The following PARP8 variants were observed in gnomAD, a reference collection of about 807,000 sequenced individuals.
PARP8 encodes the protein poly(ADP-ribose) polymerase family member 8, also known as protein mono-ADP-ribosyltransferase PARP8.
Under a neutral mutation model 124.1 loss-of-function variants are expected in PARP8, and 51 were observed. The observed-to-expected ratio is 0.41, with a 90% confidence interval of 0.33 to 0.52. The LOEUF (loss-of-function observed/expected upper bound fraction) is 0.52. PARP8 is among the 20% of genes least tolerant of loss of function. The pLI, the probability that PARP8 is intolerant of heterozygous loss-of-function variation, is 0.21. For missense variants in PARP8, 860 were observed against 1,018.9 expected, an observed-to-expected ratio of 0.84 and a Z score of 2.12; for synonymous variants, 391 against 361.5, an observed-to-expected ratio of 1.08 and a Z score of -0.93.
intron 2 of PARP8, chr5:50,738,996 C>T (rs1757753344): frequency 1.4e-6 from 1 of 702,564 alleles, no homozygotes; most frequent in African/African-American, 1.7e-5. Flanking sequence ...CCTAGACTGG[C>T]TTCCCAGTGG....
chr5:50,678,261 C>T (rs556906934), intron 2 of PARP8, among the ~76,000 whole-genome samples: 2 of 152,104 alleles, frequency 1.3e-5, no homozygotes, highest in East Asian at 3.8e-4. Context: ...GCAGTACTTA[C>T]ATAAAACATA....
At chr5:50,819,955 A>G (rs1453671527) in intron 15 of PARP8, among the ~76,000 whole-genome samples, 5 of 152,180 alleles carry the variant, frequency 3.3e-5, no homozygotes, top group Non-Finnish European at 7.3e-5. Context: ...ATATATCTAT[A>G]TATATGTATG....
intron 22 of PARP8, among the ~76,000 whole-genome samples, chr5:50,830,981 AC>A (rs1746907251): frequency 6.6e-6 from 1 of 152,112 alleles, no homozygotes; most frequent in South Asian, 2.1e-4. Flanking sequence ...AAAGAGAACT[AC>A]CTAATTTATT....
Position 50,843,046 on chromosome 5 carries a change from A to C in PARP8, c.*978A>C, listed in dbSNP as rs1211351526. On this transcript the variant is annotated 3_prime_UTR_variant, in exon 26 of 26. Coordinates refer to ENST00000281631, the MANE Select transcript of PARP8 (RefSeq NM_024615.4). The stretch of plus-strand genomic sequence containing the variant: ...ATTTATGCCACACCAGCATTTTTAT[A>C]TTTGTTCATCTAATATCTCTGCTTA... The C allele has an allele frequency of 6.6e-6, 1 of 151,634 alleles. No homozygotes were observed. Among genetic ancestry groups the C allele is most frequent in the African/African-American group, 2.4e-5 (1 of 41,360 alleles). 9.4% of individuals were successfully genotyped at this position (151,634 alleles called of 1,614,324 possible).
intron 2 of PARP8, among the ~76,000 whole-genome samples, chr5:50,686,141 A>G (rs781606510): frequency 7.0e-4 from 107 of 152,318 alleles, no homozygotes; most frequent in Non-Finnish European, 1.1e-3. Context: ...GAGCCTGTAA[A>G]ATCAAAAGCA....
intron 5 of PARP8, among the ~76,000 whole-genome samples, chr5:50,760,919 G>T (rs1047530744): frequency 2.0e-5 from 3 of 152,054 alleles, no homozygotes; most frequent in African/African-American, 7.2e-5. Context: ...TTATGCATTT[G>T]ATCCAATCCT....
chr5:50,815,345 CTATT>C (rs1368647213), intron 14 of PARP8, 83 bp from the exon 15 acceptor site: 2 of 911,908 alleles, frequency 2.2e-6, no homozygotes, highest in Non-Finnish European at 3.2e-6. Flanking sequence ...CTTGCATTTT[CTATT>C]TATTATGTGA....
chr5:50,693,012 A>G (rs1333805712), intron 2 of PARP8, among the ~76,000 whole-genome samples: 2 of 152,196 alleles, frequency 1.3e-5, no homozygotes, highest in Non-Finnish European at 1.5e-5. Context: ...AAGGGTGTTG[A>G]GGACCTCCCT....
chr5:50,793,757 A>C (rs1291032469), intron 10 of PARP8, among the ~76,000 whole-genome samples: 1 of 152,150 alleles, frequency 6.6e-6, no homozygotes. Context: ...TAAAAAGAAA[A>C]TGGCTTTACT....
At chr5:50,834,237 T>A (rs1747315591) in intron 24 of PARP8, among the ~76,000 whole-genome samples, 189 bp downstream of exon 24, 1 of 152,206 alleles carries the variant, frequency 6.6e-6, no homozygotes, top group Admixed American at 6.5e-5. Context: ...ATTGCAGAAT[T>A]GGCAAGAATT....
In PARP8 at chr5:50,666,854, G is replaced by T. The variant is rs1443405013; in HGVS notation, c.-242G>T. On this transcript the variant is annotated 5_prime_UTR_variant, in exon 1 of 26. Transcript: ENST00000281631. ...GGGGAGGAAATTGGAATCCAGCAGC[G>T]GCGAGCAGCAGCTGGGCGGTCACAT... 4.4e-5 allele frequency: 60 copies of T among 1,364,640 alleles called. No homozygotes were observed. The highest frequency in any genetic ancestry group is 5.5e-5 in the Non-Finnish European group (58 of 1,057,246). 84.5% of individuals were successfully genotyped at this position (1,364,640 alleles called of 1,614,324 possible). A position where few individuals can be genotyped will look rare whatever the true frequency, so the allele number is the denominator to read the frequency against.
chr5:50,767,992 C>T (rs1172599798), intron 7 of PARP8, among the ~76,000 whole-genome samples: 1 of 151,410 alleles, frequency 6.6e-6, no homozygotes, highest in African/African-American at 2.4e-5. Flanking sequence ...CATGCATGCA[C>T]GTATGTGTAT....
At chr5:50,772,154 A>G (rs578096878) in intron 7 of PARP8, among the ~76,000 whole-genome samples, 1 of 152,274 alleles carries the variant, frequency 6.6e-6, no homozygotes, top group Admixed American at 6.5e-5. Flanking sequence ...CTCCAGGTTT[A>G]TCCATGTTGC....
At chr5:50,790,903 G>C (rs915522941) in intron 10 of PARP8, among the ~76,000 whole-genome samples, 1 of 152,072 alleles carries the variant, frequency 6.6e-6, no homozygotes, top group Non-Finnish European at 1.5e-5. Context: ...ATTTTGGTCT[G>C]ATATGTTTGT....
At chr5:50,741,891 C>A (rs1180570797) in intron 2 of PARP8, 1 of 438,992 alleles carries the variant, frequency 2.3e-6, no homozygotes, top group Admixed American at 2.6e-5. Flanking sequence ...CTCACTGCAA[C>A]CTCCGCCTCC....
At chr5:50,827,899 T>C in intron 19 of PARP8, 45 bp from the exon 20 acceptor site, 1 of 1,342,044 alleles carries the variant, frequency 7.5e-7, no homozygotes, top group Non-Finnish European at 1.1e-6. Flanking sequence ...CCTGAATATA[T>C]GTTAAGTTTT....
chr5:50,817,081 C>T (rs1363981939), intron 15 of PARP8, among the ~76,000 whole-genome samples: 2 of 151,718 alleles, frequency 1.3e-5, no homozygotes, highest in African/African-American at 4.8e-5. Context: ...TGCAAGCTTC[C>T]CTTTAAAAAA....
chr5:50,718,106 T>A (rs113044116), intron 2 of PARP8, among the ~76,000 whole-genome samples: 3 of 152,086 alleles, frequency 2.0e-5, no homozygotes, highest in African/African-American at 7.2e-5. Flanking sequence ...CTACAGTATG[T>A]TTGGAAGCTA....
chr5:50,795,985 G>A (rs970066198), intron 12 of PARP8, among the ~76,000 whole-genome samples: 5 of 152,098 alleles, frequency 3.3e-5, no homozygotes, highest in Admixed American at 1.3e-4. Flanking sequence ...CGTTTTTGGG[G>A]GACATGGGAC....
Sources: gnomAD v4.1 joint callset for allele counts (sites outside exome capture counted in the v4.1 genomes callset) on GRCh38, gnomAD v4.1.1 for gene constraint, MANE v1.5 for transcripts, NCBI Gene and HGNC (gene_info 2026-07-23, HGNC 2026-07-21) for gene names.